The following PTPRU variants were observed in gnomAD, a reference collection of about 807,000 sequenced individuals.
PTPRU encodes receptor-type tyrosine-protein phosphatase U.
In PTPRU, 69 loss-of-function variants were observed where a neutral mutation model predicts 166.3. The ratio of observed to expected loss-of-function variants is 0.41; its 90% CI spans 0.34 to 0.51. The LOEUF is 0.51. Among genes scored for constraint, PTPRU ranks in the 20% least tolerant of loss-of-function variants. The pLI is 0.09. For synonymous variants in PTPRU, 793 were observed against 814.0 expected (o/e 0.97, Z 0.44); for missense variants, 1,657 against 2,013.7 (o/e 0.82, Z 3.39).
rs775440824 is a variant in PTPRU at position 29,260,628 on chromosome 1, C to T, written c.869C>T (p.Ala290Val). Residue 290 changes from alanine (A) to valine (V), a missense_variant, in exon 7 of 30, where the codon GCG becomes GTG. Around this residue, in one of 3 missense-constraint regions of PTPRU, gnomAD observed 453 missense variants for 496.9 expected, o/e 0.91. Transcript: ENST00000373779. This position sits in a 1 kb window ranked among gnomAD's most constrained non-coding sequence, Gnocchi z 8.3. ...CTCGCAGAGCCCCCAACTCCCATCGCGCCCCCACAGCTGCTGCGTGCTGGC... is the reference window on the plus strand; with the variant it reads ...CTCGCAGAGCCCCCAACTCCCATCGTGCCCCCACAGCTGCTGCGTGCTGGC... Reference protein sequence around the residue: ...LIVKEPPTPIAPPQLLRAGPT... With the variant: ...LIVKEPPTPIVPPQLLRAGPT... 3 of 1,500,920 alleles carry T rather than the reference C, an allele frequency of 2.0e-6. No homozygotes were observed. Among genetic ancestry groups the T allele is most frequent in the Admixed American group, 2.2e-5 (1 of 44,728 alleles). 93.0% of individuals were successfully genotyped at this position (1,500,920 alleles called of 1,614,324 possible).
At chr1:29,319,684 A>G (rs967165002) in intron 25 of PTPRU, among the ~76,000 whole-genome samples, 2 of 152,182 alleles carry the variant, frequency 1.3e-5, no homozygotes, top group Non-Finnish European at 2.9e-5. Context: ...TCTGCACTGC[A>G]CCTTGCAGGA....
chr1:29,255,984 TC>T (rs1303675974), intron 2 of PTPRU, among the ~76,000 whole-genome samples: 4 of 152,182 alleles, frequency 2.6e-5, no homozygotes, highest in Non-Finnish European at 5.9e-5. Flanking sequence ...AGTACTGACT[TC>T]CTGCTTTCAT....
At position 29,312,672 on chromosome 1, in the gene PTPRU, C is replaced by A. The variant is rs1479166204; in HGVS notation, c.3193C>A (p.Pro1065Thr). ...CATCCGGCGCGTGAAGGCCTCCACC[C>A]CACCTGATGCCGGGCCCATTGTCAT... Reference protein sequence around the residue: ...AFIRRVKASTPPDAGPIVIHC... With the variant: ...AFIRRVKASTTPDAGPIVIHC... The change falls in exon 22 of 30, where the codon CCA becomes ACA. Residue 1065 changes from proline to threonine, a missense_variant. By Grantham distance (38) the Pro-to-Thr change is conservative. Around this residue, in one of 3 missense-constraint regions of PTPRU, gnomAD observed 1,190 missense variants for 1,477.4 expected, o/e 0.81. Transcript: ENST00000373779. 3.1e-6 allele frequency: 5 copies of A among 1,609,966 alleles called. No homozygotes were observed. Among genetic ancestry groups the A allele is most frequent in the Non-Finnish European group, 4.2e-6 (5 of 1,177,054 alleles).
chr1:29,316,760 C>A (rs1416728398), intron 24 of PTPRU, among the ~76,000 whole-genome samples: 1 of 152,150 alleles, frequency 6.6e-6, no homozygotes, highest in Non-Finnish European at 1.5e-5. Flanking sequence ...CCCAGCATCC[C>A]CCCAACAGTC....
At chr1:29,272,131 C>G (rs1350107221) in intron 7 of PTPRU, among the ~76,000 whole-genome samples, 1 of 152,192 alleles carries the variant, frequency 6.6e-6, no homozygotes, top group African/African-American at 2.4e-5. Flanking sequence ...GATCTGCCTC[C>G]TCTGGCGCAA....
Position 29,317,537 on chromosome 1 carries a change from G to A in PTPRU, c.3514-211G>A, listed in dbSNP as rs1395759761. Among the ~76,000 whole-genome samples the A allele has an allele frequency of 2.6e-5, 4 of 152,218 alleles. No individual in the cohort carries two copies. Among genetic ancestry groups the A allele is most frequent in the Non-Finnish European group, 5.9e-5 (4 of 68,042 alleles). On this transcript the variant is annotated intron_variant, in intron 24 of 29. Transcript: ENST00000373779. This position sits in a 1 kb window ranked among gnomAD's most constrained non-coding sequence, Gnocchi z 5.6. The stretch of plus-strand genomic sequence containing the variant: ...TCTGAGGTTATGTGGGTGGCAAGGA[G>A]GTAGACTCTGGTCTCTAGAGCTCTA...
chr1:29,282,590 C>T (rs1686126644), intron 11 of PTPRU, 86 bp from the exon 12 acceptor site: 2 of 1,485,670 alleles, frequency 1.3e-6, no homozygotes, highest in Admixed American at 4.2e-5. Context: ...AGGGCTTGAC[C>T]ACAAAGCCCA....
rs1318464490 is a variant in PTPRU, at chr1:29,260,712, T to A, written c.953T>A (p.Val318Glu). 1 of 1,600,664 alleles carries A rather than the reference T, an allele frequency of 6.2e-7. No homozygotes were observed. The highest frequency in any genetic ancestry group is 1.3e-5 in the African/African-American group (1 of 74,282). The change falls in exon 7 of 30, where the codon GTG becomes GAG. Residue 318 changes from valine to glutamate, a missense_variant. By Grantham distance (121) the Val-to-Glu change is moderately radical. This residue lies in a region of PTPRU where 453 missense variants were observed against 496.9 expected (regional missense o/e 0.91). Coordinates refer to ENST00000373779, the MANE Select transcript of PTPRU (RefSeq NM_133178.4). The surrounding 1 kb of genome is among the most constrained non-coding windows in gnomAD (Gnocchi z 8.3). ...TNSIIGDGPIVRKEIEYRMAR... is the reference protein window; with the variant it reads ...TNSIIGDGPIERKEIEYRMAR... ...TCCATCATTGGCGACGGGCCGATCG[T>A]GCGCAAGGAGATTGAGTACCGCATG...
At chr1:29,322,726 C>G (rs1156608261) in intron 26 of PTPRU, among the ~76,000 whole-genome samples, 1 of 152,036 alleles carries the variant, frequency 6.6e-6, no homozygotes, top group African/African-American at 2.4e-5. Flanking sequence ...GGGCTTCAGG[C>G]AGAGCTGAGA....
Position 29,315,356 on chromosome 1 carries a change from G to A in PTPRU, c.3228-16G>A, listed in dbSNP as rs935152602. On this transcript the variant is annotated splice_polypyrimidine_tract_variant and intron_variant, in intron 22 of 29. Transcript: ENST00000373779. The surrounding 1 kb of genome is among the most constrained non-coding windows in gnomAD (Gnocchi z 4.5). ...CCCCAAAGCTCTGACCTGGTCTGGG[G>A]CTGCTCTCTCTCCAGCGCGGGCACC... The A allele has an allele frequency of 8.1e-6, 13 of 1,613,944 alleles. No individual in the cohort carries two copies. Among genetic ancestry groups the A allele is most frequent in the Admixed American group, 1.7e-5 (1 of 60,026 alleles).
At chr1:29,283,009 A>C (rs1686153244) in intron 12 of PTPRU, 60 bp downstream of exon 12, 1 of 1,587,424 alleles carries the variant, frequency 6.3e-7, no homozygotes, top group Non-Finnish European at 8.6e-7. Flanking sequence ...GGCAGACAGG[A>C]GATACCTTGG....
rs578249639 is a variant in PTPRU, at chr1:29,320,596, G to A, written c.3688-89G>A. On this transcript the variant is annotated intron_variant, in intron 25 of 29. Coordinates refer to ENST00000373779, the MANE Select transcript of PTPRU (RefSeq NM_133178.4). This position sits in a 1 kb window ranked among gnomAD's most constrained non-coding sequence, Gnocchi z 5.2. ...GGGGCACAACCGTCCAACTCAGGGT[G>A]GGCAGTGCGGGAAGACAGCCTGGGG... The A allele has an allele frequency of 2.7e-5, 37 of 1,387,370 alleles. No homozygotes were observed. Among genetic ancestry groups the A allele is most frequent in the Middle Eastern group, 4.6e-4 (2 of 4,344 alleles). The allele number at this position is 1,387,370 out of a possible 1,614,324, so 85.9% of individuals were successfully genotyped here.
chr1:29,273,277 C>T (rs1257191257), intron 7 of PTPRU, among the ~76,000 whole-genome samples: 1 of 151,952 alleles, frequency 6.6e-6, no homozygotes, highest in African/African-American at 2.4e-5. Flanking sequence ...CTTTTCTATT[C>T]TTTTTTTTCG....
Position 29,259,569 on chromosome 1 carries a change from G to A in PTPRU, c.675+5G>A. On this transcript the variant is annotated splice_donor_5th_base_variant and intron_variant, in intron 5 of 29. Coordinates refer to ENST00000373779, the MANE Select transcript of PTPRU (RefSeq NM_133178.4). ...GCCGAACGCTTCCTCTTGCAAGTGA[G>A]CGGGAGCGGTGATCTTGGCTGGGGG... 1.3e-6 allele frequency: 2 copies of A among 1,583,788 alleles called. No homozygotes were observed. The highest frequency in any genetic ancestry group is 1.7e-6 in the Non-Finnish European group (2 of 1,165,244).
intron 15 of PTPRU, among the ~76,000 whole-genome samples, chr1:29,292,990 G>C (rs956766836): frequency 6.8e-6 from 1 of 147,468 alleles, no homozygotes; most frequent in Non-Finnish European, 1.5e-5. Flanking sequence ...TAATTTTTTT[G>C]TTTTTTTGAG....
In PTPRU at chr1:29,275,493, C is replaced by T. The variant is rs757637278; in HGVS notation, c.1190C>T (p.Ala397Val). The change falls in exon 8 of 30, where the codon GCC (alanine) becomes GTC (valine). Residue 397 changes from alanine to valine, a missense_variant. Physicochemically the swap from Ala to Val is moderately conservative, Grantham distance 64. This residue lies in a region of PTPRU where 1,190 missense variants were observed against 1,477.4 expected (regional missense o/e 0.81). Transcript: ENST00000373779. ...PKGLAFAEIQ[A>V]RQLTLQWEPL... is the part of the protein sequence containing the mutation. ...GGCCTGGCTTTTGCTGAGATCCAGG[C>T]CCGTCAGCTGACCCTGCAGTGGGAA... The T allele has an allele frequency of 3.1e-6, 5 of 1,614,170 alleles. No individual in the cohort carries two copies. The highest frequency in any genetic ancestry group is 2.2e-5 in the South Asian group (2 of 91,082).
At chr1:29,242,680 A>G (rs1386124712) in intron 1 of PTPRU, among the ~76,000 whole-genome samples, 1 of 152,168 alleles carries the variant, frequency 6.6e-6, no homozygotes, top group Non-Finnish European at 1.5e-5. Context: ...TGCAGACAGC[A>G]CTGGTCTAGA....
In PTPRU at chr1:29,271,430, A is replaced by G. The variant is rs1685552806; in HGVS notation, c.1145-4018A>G. ...AGGCAGGAAGAAAAAAGAAAAGTGG[A>G]CCTTCTTTTCAAAGAGCTCTCAGTC... is the stretch of plus-strand genomic sequence containing the variant. On this transcript the variant is annotated intron_variant, in intron 7 of 29. Transcript: ENST00000373779. The surrounding 1 kb of genome is among the most constrained non-coding windows in gnomAD (Gnocchi z 4.4). 6.6e-6 allele frequency among the ~76,000 whole-genome samples: 1 copy of G among 152,096 alleles called. No homozygotes were observed. The highest frequency in any genetic ancestry group is 2.4e-5 in the African/African-American group (1 of 41,396).
At chr1:29,241,602 TTC>T in intron 1 of PTPRU, among the ~76,000 whole-genome samples, 1 of 151,738 alleles carries the variant, frequency 6.6e-6, no homozygotes, top group African/African-American at 2.4e-5. Flanking sequence ...CTTCTTCTTC[TTC>T]TTTTTTTTGA....
Sources: gnomAD v4.1 joint callset for allele counts (sites outside exome capture counted in the v4.1 genomes callset) on GRCh38, gnomAD v4.1.1 for gene constraint, gnomAD v4.1.1 regional missense constraint, Gnocchi (gnomAD v3.1) non-coding constraint, MANE v1.5 for transcripts, NCBI Gene and HGNC (gene_info 2026-07-23, HGNC 2026-07-21) for gene names.